Variants in MEGF11 observed in about 807,000 individuals in gnomAD.
MEGF11 encodes the protein multiple epidermal growth factor-like domains protein 11.
In MEGF11, 126 loss-of-function variants were observed where a neutral mutation model predicts 146.6. That is an observed-to-expected ratio of 0.86 (90% CI 0.74 to 1.00). The LOEUF is 1.00. MEGF11 is among the 50% of genes least tolerant of loss of function. The pLI is 0.00. For missense variants in MEGF11, 1,509 were observed against 1,521.2 expected (o/e 0.99, Z 0.13); for synonymous variants, 532 against 583.4 (o/e 0.91, Z 1.27).
intron 5 of MEGF11, among the ~76,000 whole-genome samples, chr15:66,060,254 A>T (rs2084848483): frequency 6.6e-6 from 1 of 152,196 alleles, no homozygotes; most frequent in East Asian, 1.9e-4. Context: ...GACACGGCAA[A>T]AGCTGCCCCA....
At position 65,913,814 on chromosome 15, in the gene MEGF11, T is replaced by A; in HGVS notation, c.2633A>T (p.Glu878Val). The A allele has an allele frequency of 3.7e-6, 6 of 1,613,926 alleles. No homozygotes were observed. The highest frequency in any genetic ancestry group is 3.4e-6 in the Non-Finnish European group (4 of 1,179,846). The change falls in exon 20 of 26, where the codon GAG (glutamate) becomes GTG (valine). Residue 878 changes from glutamate to valine, a missense_variant. Coordinates refer to ENST00000395614, the MANE Select transcript of MEGF11 (RefSeq NM_001385028.1). ...ACGGGGAGCCAGGTCTCGGCCCTTC[T>A]CTTTCTGCCGCCGCCGATGCCAGGC... is the stretch of plus-strand genomic sequence containing the variant. ...LFAWHRRRQK[E>V]KGRDLAPRVS... is the part of the protein sequence containing the mutation.
At chr15:66,142,925 C>G (rs928183439) in intron 1 of MEGF11, among the ~76,000 whole-genome samples, 5 of 152,228 alleles carry the variant, frequency 3.3e-5, no homozygotes, top group African/African-American at 1.2e-4. Context: ...ACCTTAACAG[C>G]TTCTCTAGGC....
At chr15:66,176,707 A>AT (rs144948550) in intron 1 of MEGF11, among the ~76,000 whole-genome samples, 2,689 of 152,082 alleles carry the variant, frequency 0.018, 74 homozygotes, top group African/African-American at 0.062. Flanking sequence ...TGCATTGCTG[A>AT]TTTTTTCTTG....
At chr15:65,999,295 G>T (rs1421462721) in intron 5 of MEGF11, among the ~76,000 whole-genome samples, 2 of 152,040 alleles carry the variant, frequency 1.3e-5, no homozygotes, top group Non-Finnish European at 2.9e-5. Context: ...CTCCCAAAGT[G>T]CTGGGATTAC....
At chr15:65,963,953 G>A (rs1323797557) in intron 9 of MEGF11, among the ~76,000 whole-genome samples, 1 of 152,218 alleles carries the variant, frequency 6.6e-6, no homozygotes, top group East Asian at 1.9e-4. Flanking sequence ...CAAAGCAGAG[G>A]GATTCTCTGT....
chr15:66,128,456 T>A (rs1444791033), intron 1 of MEGF11, 45 bp from the exon 2 acceptor site: 6 of 1,203,922 alleles, frequency 5.0e-6, no homozygotes, highest in Non-Finnish European at 5.5e-6. Context: ...TCAGACCATG[T>A]TCCTGGCAAC....
chr15:65,940,576 C>T (rs74658348), intron 10 of MEGF11, among the ~76,000 whole-genome samples: 2,173 of 152,288 alleles, frequency 0.014, 42 homozygotes, highest in South Asian at 0.045. Flanking sequence ...CTAATTGGTG[C>T]GTCACTGATA....
At chr15:66,143,020 C>A (rs2089227550) in intron 1 of MEGF11, among the ~76,000 whole-genome samples, 1 of 152,210 alleles carries the variant, frequency 6.6e-6, no homozygotes, top group Admixed American at 6.5e-5. Flanking sequence ...AGGTCTCTTG[C>A]AGCTCTGGAA....
chr15:66,125,122 C>T (rs978937080), intron 2 of MEGF11, among the ~76,000 whole-genome samples: 1 of 152,142 alleles, frequency 6.6e-6, no homozygotes, highest in East Asian at 1.9e-4. Context: ...GGTCTGGCAT[C>T]CAGAAGGAGG....
chr15:66,191,972 G>A lies in MEGF11; in HGVS notation c.-9+61633C>T, dbSNP rs189154604. Among the ~76,000 whole-genome samples, 11 of 152,210 alleles carry A rather than the reference G, an allele frequency of 7.2e-5. No individual in the cohort carries two copies. In the East Asian group the frequency reaches 2.1e-3, roughly 29 times the overall value. On this transcript the variant is annotated intron_variant, in intron 1 of 25. Transcript: ENST00000395614. ...ACGCGCCTGTAATCCCAGCTACTCA[G>A]GAGGCTGAGACAGGAGAATTGCTTG... is the stretch of plus-strand genomic sequence containing the variant.
chr15:66,152,181 A>T (rs1165354677), intron 1 of MEGF11, among the ~76,000 whole-genome samples: 1 of 152,092 alleles, frequency 6.6e-6, no homozygotes, highest in Non-Finnish European at 1.5e-5. Flanking sequence ...GTCACCAGGG[A>T]TGGAGAGGTA....
intron 5 of MEGF11, among the ~76,000 whole-genome samples, chr15:66,086,773 C>A (rs1456372446): frequency 1.3e-5 from 2 of 152,092 alleles, no homozygotes; most frequent in Non-Finnish European, 2.9e-5. Flanking sequence ...AAAACAAAAA[C>A]AAAATCAAAG....
At chr15:66,236,104 T>C (rs1567294277) in intron 1 of MEGF11, among the ~76,000 whole-genome samples, 1 of 152,022 alleles carries the variant, frequency 6.6e-6, no homozygotes, top group Non-Finnish European at 1.5e-5. Context: ...TTGTGGAGGA[T>C]GAGTAAGAGT....
chr15:66,052,009 C>T (rs557169898), intron 5 of MEGF11, among the ~76,000 whole-genome samples: 19 of 152,266 alleles, frequency 1.2e-4, no homozygotes, highest in South Asian at 2.1e-4. Context: ...CTGCTGGCAA[C>T]GGCACAAAAA....
intron 4 of MEGF11, among the ~76,000 whole-genome samples, chr15:66,098,174 G>A (rs2086631986): frequency 1.3e-5 from 2 of 152,190 alleles, no homozygotes; most frequent in Admixed American, 6.5e-5. Flanking sequence ...GGCAGCAGGT[G>A]AGCTTGCATA....
intron 13 of MEGF11, among the ~76,000 whole-genome samples, chr15:65,925,007 A>G (rs1055819392): frequency 1.1e-4 from 16 of 152,200 alleles, no homozygotes; most frequent in African/African-American, 2.9e-4. Flanking sequence ...CCTTGCACTG[A>G]GGTGGAGCTT....
chr15:65,979,487 G>A (rs1372649762), intron 7 of MEGF11, among the ~76,000 whole-genome samples: 2 of 152,136 alleles, frequency 1.3e-5, no homozygotes, highest in African/African-American at 2.4e-5. Flanking sequence ...TTTCCTCTCT[G>A]GCTTTGCAAA....
At chr15:66,039,574 G>A (rs933832733) in intron 5 of MEGF11, among the ~76,000 whole-genome samples, 4 of 152,156 alleles carry the variant, frequency 2.6e-5, no homozygotes, top group East Asian at 1.9e-4. Flanking sequence ...ACTGCCCAAC[G>A]TAACTCAGGT....
At chr15:66,147,634 G>T (rs1005753723) in intron 1 of MEGF11, among the ~76,000 whole-genome samples, 1 of 152,212 alleles carries the variant, frequency 6.6e-6, no homozygotes, top group Non-Finnish European at 1.5e-5. Flanking sequence ...AGGCCTGGAG[G>T]TGAGAAAGAG....
Sources: allele counts gnomAD v4.1 joint callset (sites outside exome capture counted in the v4.1 genomes callset), GRCh38; gene constraint gnomAD v4.1.1; transcripts MANE v1.5; gene names NCBI Gene and HGNC (gene_info 2026-07-23, HGNC 2026-07-21).